EYS: variants seen among roughly 807,000 people sequenced by gnomAD.
EYS encodes EGF-like photoreceptor maintenance factor.
EYS carries 250 observed loss-of-function variants against 282.1 expected under a neutral mutation model. The ratio of observed to expected loss-of-function variants is 0.89; its 90% CI spans 0.80 to 0.98. EYS has a LOEUF of 0.98. Ranked by LOEUF, EYS falls within the 50% of genes least tolerant of loss-of-function variation. EYS has a pLI of 0.00. For missense variants in EYS, 4,016 were observed against 3,709.0 expected (o/e 1.08, Z -2.15); for synonymous variants, 1,355 against 1,282.9 (o/e 1.06, Z -1.20).
Position 65,057,741 on chromosome 6 carries a change from GA to G in EYS, c.2024-15del, listed in dbSNP as rs202085379. 2.1e-4 allele frequency: 300 copies of G among 1,406,334 alleles called. No individual in the cohort carries two copies. The highest frequency in any genetic ancestry group is 2.0e-3 in the African/African-American group (139 of 69,348). The allele number at this position is 1,406,334 out of a possible 1,614,324, so 87.1% of individuals were successfully genotyped here. ...CACATTGCGTACCTTTGGAAAATAG[GA>G]AAAAAAAATGTTAAGTGTTAACAAG... On this transcript the variant is annotated splice_polypyrimidine_tract_variant and intron_variant, in intron 12 of 42. Transcript: ENST00000503581.
intron 19 of EYS, among the ~76,000 whole-genome samples, chr6:64,874,865 C>T (rs141297428): frequency 3.6e-4 from 54 of 151,964 alleles, no homozygotes; most frequent in Middle Eastern, 3.4e-3. Flanking sequence ...TAGTTCACAT[C>T]GTGTATGAAA....
chr6:64,281,771 A>C (rs1768316945), intron 30 of EYS, among the ~76,000 whole-genome samples: 1 of 152,138 alleles, frequency 6.6e-6, no homozygotes, highest in African/African-American at 2.4e-5. Flanking sequence ...TATTGTGCAT[A>C]TATGGCATGA....
intron 1 of EYS, among the ~76,000 whole-genome samples, chr6:65,654,384 A>G (rs1461876564): frequency 3.3e-5 from 5 of 151,686 alleles, no homozygotes; most frequent in South Asian, 2.1e-4. Flanking sequence ...GGAAAACACA[A>G]CTCTTGGGCG....
chr6:64,716,700 C>T lies in EYS; in HGVS notation c.3444-90455G>A, dbSNP rs555045480. On this transcript the variant is annotated intron_variant, in intron 22 of 42. Transcript: ENST00000503581. ...ATGCAGTTAGCAACTAAGAATGATGCGCTCAGTGCAGACACATTTGATGAA... is the reference window on the plus strand; with the variant it reads ...ATGCAGTTAGCAACTAAGAATGATGTGCTCAGTGCAGACACATTTGATGAA... Among the ~76,000 whole-genome samples, 24 of 152,278 alleles carry T rather than the reference C, an allele frequency of 1.6e-4. No individual in the cohort carries two copies. In the South Asian group the frequency reaches 2.3e-3, roughly 14 times the overall value.
At chr6:65,330,137 G>A in intron 11 of EYS, 1 of 981,400 alleles carries the variant, frequency 1.0e-6, no homozygotes, top group Non-Finnish European at 1.2e-6. Flanking sequence ...AAATGAAACA[G>A]AAGAACCATG....
intron 12 of EYS, among the ~76,000 whole-genome samples, chr6:65,221,878 T>C (rs1766475820): frequency 6.6e-6 from 1 of 152,144 alleles, no homozygotes; most frequent in African/African-American, 2.4e-5. Flanking sequence ...TGCATCAGGG[T>C]GACCTAGATG....
At chr6:64,868,944 A>T (rs2150052859) in intron 19 of EYS, among the ~76,000 whole-genome samples, 1 of 151,632 alleles carries the variant, frequency 6.6e-6, no homozygotes, top group South Asian at 2.1e-4. Context: ...ATAATATTTC[A>T]CTGTCTAAAG....
At chr6:63,872,956 A>C (rs1772851846) in intron 35 of EYS, among the ~76,000 whole-genome samples, 1 of 152,074 alleles carries the variant, frequency 6.6e-6, no homozygotes, top group Non-Finnish European at 1.5e-5. Flanking sequence ...GTGGGCATGG[A>C]GAGAAATAAT....
rs529004795 is a variant in EYS, at chr6:64,388,509, C to G, written c.6078+181G>C. On this transcript the variant is annotated intron_variant, in intron 29 of 42. Transcript: ENST00000503581. ...AAAAGAACAGTAAACTTCTATTATACTTTGGTATGATAGATAAAAATATAT... is the reference window on the plus strand; with the variant it reads ...AAAAGAACAGTAAACTTCTATTATAGTTTGGTATGATAGATAAAAATATAT... Among the ~76,000 whole-genome samples the G allele has an allele frequency of 3.3e-5, 5 of 152,188 alleles. No homozygotes were observed. The South Asian group carries it at 6.2e-4, about 19-fold the overall frequency.
intron 33 of EYS, among the ~76,000 whole-genome samples, chr6:64,048,913 C>G (rs191372077): frequency 4.6e-5 from 7 of 151,968 alleles, no homozygotes; most frequent in Non-Finnish European, 1.0e-4. Context: ...CTTTTCCCCC[C>G]CTAGATGTTT....
intron 22 of EYS, among the ~76,000 whole-genome samples, chr6:64,720,264 C>T (rs1388018653): frequency 1.3e-5 from 2 of 152,174 alleles, no homozygotes; most frequent in African/African-American, 2.4e-5. Flanking sequence ...CTGCTTCCTT[C>T]ATCACATCTC....
At chr6:63,995,150 T>A (rs1035750224) in intron 34 of EYS, among the ~76,000 whole-genome samples, 1 of 151,972 alleles carries the variant, frequency 6.6e-6, no homozygotes, top group African/African-American at 2.4e-5. Context: ...ATCCAAAACA[T>A]ATAAGGAATT....
chr6:65,615,478 A>T (rs1236381777), intron 2 of EYS, among the ~76,000 whole-genome samples: 2 of 150,762 alleles, frequency 1.3e-5, no homozygotes, highest in African/African-American at 4.9e-5. Context: ...CACAAAGCTA[A>T]ATGATGTTTA....
intron 22 of EYS, among the ~76,000 whole-genome samples, chr6:64,731,864 A>C (rs1050585607): frequency 1.3e-5 from 2 of 152,212 alleles, no homozygotes; most frequent in African/African-American, 2.4e-5. Context: ...ATGCACACAC[A>C]TGTTTATTGC....
chr6:64,889,684 C>G (rs867293439), intron 18 of EYS, among the ~76,000 whole-genome samples: 2 of 151,998 alleles, frequency 1.3e-5, no homozygotes, highest in African/African-American at 4.8e-5. Flanking sequence ...TATCACTTCC[C>G]CAGTCAATAC....
At chr6:64,991,165 C>T (rs1771049827) in intron 14 of EYS, among the ~76,000 whole-genome samples, 3 of 151,192 alleles carry the variant, frequency 2.0e-5, no homozygotes, top group Admixed American at 2.0e-4. Flanking sequence ...TCATAGTTAA[C>T]CATAGTTATA....
At chr6:64,993,596 G>A in intron 14 of EYS, among the ~76,000 whole-genome samples, 1 of 111,134 alleles carries the variant, frequency 9.0e-6, no homozygotes, top group African/African-American at 3.4e-5. Flanking sequence ...GGAGGGGGGA[G>A]GGATAGCATT....
chr6:63,930,543 A>T (rs1292507247), intron 35 of EYS, among the ~76,000 whole-genome samples: 1 of 152,184 alleles, frequency 6.6e-6, no homozygotes, highest in Non-Finnish European at 1.5e-5. Flanking sequence ...AACAACAAAT[A>T]GATTGATTTT....
At chr6:64,359,924 A>G (rs1771950295) in intron 29 of EYS, among the ~76,000 whole-genome samples, 2 of 151,592 alleles carry the variant, frequency 1.3e-5, no homozygotes, top group South Asian at 2.1e-4. Context: ...ATACCATGTA[A>G]AGCAAGTATC....
Sources: allele counts gnomAD v4.1 joint callset (sites outside exome capture counted in the v4.1 genomes callset), GRCh38; gene constraint gnomAD v4.1.1; transcripts MANE v1.5; gene names NCBI Gene and HGNC (gene_info 2026-07-23, HGNC 2026-07-21).